The following AXL variants were observed in gnomAD, a reference collection of about 807,000 sequenced individuals.
AXL encodes the protein tyrosine-protein kinase receptor UFO.
AXL carries 52 observed loss-of-function variants against 104.5 expected under a neutral mutation model. The ratio of observed to expected loss-of-function variants is 0.50; its 90% CI spans 0.40 to 0.63. The LOEUF (loss-of-function observed/expected upper bound fraction) is 0.63, where lower values mean the gene tolerates loss of function less well. Among genes scored for constraint, AXL ranks in the 20% least tolerant of loss-of-function variants. The pLI, the probability that AXL is intolerant of heterozygous loss-of-function variation, is 0.00. For missense variants in AXL, 1,024 were observed against 1,188.5 expected (o/e 0.86, Z 2.04); for synonymous variants, 455 against 473.7 (o/e 0.96, Z 0.51).
chr19:41,237,302 G>C (rs1202452224), intron 6 of AXL, among the ~76,000 whole-genome samples: 1 of 152,174 alleles, frequency 6.6e-6, no homozygotes, highest in Non-Finnish European at 1.5e-5. Flanking sequence ...GAGTGCAGTG[G>C]TGTGATCTTA....
At chr19:41,222,420 G>A (rs1387529586) in intron 4 of AXL, among the ~76,000 whole-genome samples, 2 of 152,016 alleles carry the variant, frequency 1.3e-5, no homozygotes, top group African/African-American at 2.4e-5. Context: ...AGTGCGTGTG[G>A]GCCTGGTGCC....
chr19:41,229,346 C>T (rs554859339), intron 4 of AXL, among the ~76,000 whole-genome samples: 2 of 152,212 alleles, frequency 1.3e-5, no homozygotes, highest in East Asian at 3.9e-4. Context: ...TCACTGCAGC[C>T]TCCACCTCCC....
In AXL at chr19:41,252,522, G is replaced by A. The variant is rs2034382856; in HGVS notation, c.1804+79G>A. The A allele has an allele frequency of 2.6e-6, 4 of 1,512,350 alleles. No homozygotes were observed. In the African/African-American group the frequency reaches 4.1e-5, roughly 16 times the overall value. The allele number at this position is 1,512,350 out of a possible 1,614,324, so 93.7% of individuals were successfully genotyped here. On this transcript the variant is annotated intron_variant, in intron 15 of 19. Coordinates refer to ENST00000301178, the MANE Select transcript of AXL (RefSeq NM_021913.5). ...AGGGAAGAGCCCTGCTTCTGGCCCT[G>A]GGAAGATCAAACTTCCAGGCTTCCT...
chr19:41,227,225 A>C (rs1259917903), intron 4 of AXL, among the ~76,000 whole-genome samples: 2 of 152,060 alleles, frequency 1.3e-5, no homozygotes, highest in Non-Finnish European at 2.9e-5. Context: ...ATTCACCAGG[A>C]TACGTTCTCT....
At chr19:41,257,309 G>C (rs897195195) in intron 18 of AXL, among the ~76,000 whole-genome samples, 184 bp from the exon 19 acceptor site, 2 of 152,182 alleles carry the variant, frequency 1.3e-5, no homozygotes, top group Non-Finnish European at 2.9e-5. Flanking sequence ...CTCCCAAAGT[G>C]CTGGGATTAC....
intron 11 of AXL, 116 bp from the exon 12 acceptor site, chr19:41,243,500 G>T (rs995242906): frequency 3.1e-5 from 26 of 828,210 alleles, no homozygotes; most frequent in Non-Finnish European, 5.1e-5. Flanking sequence ...CTCAGCAAAT[G>T]TTAGCACAGA....
chr19:41,221,000 T>C, intron 2 of AXL, 142 bp downstream of exon 2: 1 of 1,201,582 alleles, frequency 8.3e-7, no homozygotes, highest in Non-Finnish European at 1.2e-6. Context: ...TTCGTTTTCC[T>C]CTTCTGCAAA....
chr19:41,223,038 T>C (rs1343292031), intron 4 of AXL, among the ~76,000 whole-genome samples: 1 of 152,026 alleles, frequency 6.6e-6, no homozygotes, highest in Non-Finnish European at 1.5e-5. Flanking sequence ...CTCACGCCTG[T>C]AATCCCAGCA....
intron 4 of AXL, among the ~76,000 whole-genome samples, chr19:41,222,645 G>A (rs1400743705): frequency 2.0e-5 from 3 of 152,194 alleles, no homozygotes; most frequent in Admixed American, 1.3e-4. Context: ...GGTGGCTCAC[G>A]CCTGTAATCC....
At position 41,231,202 on chromosome 19, in the gene AXL, T is replaced by G. The variant is rs779312028; in HGVS notation, c.687T>G (p.Arg229=). 7.4e-6 allele frequency: 12 copies of G among 1,613,526 alleles called. No homozygotes were observed. The highest frequency in any genetic ancestry group is 1.0e-5 in the Non-Finnish European group (12 of 1,179,708). ...ATITVLPQQP[R]NLHLVSRQPT... ...CCACAGTGCTCCCCCAGCAGCCCCG[T>G]AACCTCCACCTGGTCTCCCGCCAAC... is the stretch of plus-strand genomic sequence containing the variant. The change falls in exon 6 of 20, where the codon CGT becomes CGG. Residue 229 remains arginine, a synonymous_variant. Transcript: ENST00000301178.
At chr19:41,242,539 G>C (rs1195159596) in intron 10 of AXL, among the ~76,000 whole-genome samples, 1 of 151,746 alleles carries the variant, frequency 6.6e-6, no homozygotes, top group Non-Finnish European at 1.5e-5. Context: ...CATGTCGGCC[G>C]GGCTGGTCTT....
rs555719693 is a variant in AXL, at chr19:41,259,619, G to A, written c.2400G>A (p.Arg800=). 30 of 1,613,964 alleles carry A rather than the reference G, an allele frequency of 1.9e-5. No homozygotes were observed. The East Asian group carries it at 6.5e-4, about 35-fold the overall frequency. The change falls in exon 20 of 20, where the codon CGG becomes CGA. Residue 800 remains arginine, a synonymous_variant. Coordinates refer to ENST00000301178, the MANE Select transcript of AXL (RefSeq NM_021913.5). ...PQDRPSFTEL[R]EDLENTLKAL... is the part of the protein sequence containing the mutation. ...ACCGGCCAAGTTTTACAGAGCTGCG[G>A]GAAGATTTGGAGAACACACTGAAGG... is the stretch of plus-strand genomic sequence containing the variant.
chr19:41,257,751 A>AC, intron 19 of AXL, 122 bp downstream of exon 19: 1 of 1,308,804 alleles, frequency 7.6e-7, no homozygotes, highest in Non-Finnish European at 1.1e-6. Context: ...ATGCTGAGTG[A>AC]CCCACTTGCC....
rs141766433 is a variant in AXL, at chr19:41,251,519, G to A, written c.1712-832G>A. Reference sequence around the variant, plus strand: ...AGAGGTTGCAGTGAGCCAAGATTGCGCCATTGCACTCAAGCCTGGGGGACA... The same window carrying A: ...AGAGGTTGCAGTGAGCCAAGATTGCACCATTGCACTCAAGCCTGGGGGACA... On this transcript the variant is annotated intron_variant, in intron 14 of 19. Transcript: ENST00000301178. Among the ~76,000 whole-genome samples the A allele has an allele frequency of 2.7e-3, 410 of 150,334 alleles. 7 individuals are homozygous for A. In the East Asian group the frequency reaches 0.069, roughly 25 times the overall value.
At chr19:41,239,086 G>A (rs2034134120) in intron 8 of AXL, 78 bp from the exon 9 acceptor site, 13 of 1,531,182 alleles carry the variant, frequency 8.5e-6, no homozygotes, top group South Asian at 1.2e-5. Flanking sequence ...AGAAAGAGAT[G>A]GGGCATTGAG....
chr19:41,220,956 G>T, intron 2 of AXL, 98 bp downstream of exon 2: 2 of 1,413,338 alleles, frequency 1.4e-6, no homozygotes, highest in African/African-American at 1.4e-5. Flanking sequence ...CTTGTCAGCC[G>T]TGCGGCTTTG....
intron 11 of AXL, 96 bp downstream of exon 11, chr19:41,243,111 C>T (rs1389272202): frequency 3.0e-5 from 46 of 1,555,960 alleles, no homozygotes; most frequent in Middle Eastern, 3.6e-4. Flanking sequence ...GGAGTGATGA[C>T]TAAGAATCAG....
At chr19:41,253,403 A>G (rs980842073) in intron 16 of AXL, among the ~76,000 whole-genome samples, 196 bp from the exon 17 acceptor site, 3 of 152,170 alleles carry the variant, frequency 2.0e-5, no homozygotes, top group African/African-American at 7.2e-5. Context: ...GGGCAAGAAC[A>G]TAGGCAATCA....
In AXL at chr19:41,256,245, G is replaced by A. The variant is rs151130617; in HGVS notation, c.2037-207G>A. Among the ~76,000 whole-genome samples the A allele has an allele frequency of 1.7e-3, 261 of 152,298 alleles. 1 individual carries two copies. Among genetic ancestry groups the A allele is most frequent in the African/African-American group, 6.0e-3 (251 of 41,548 alleles). On this transcript the variant is annotated intron_variant, in intron 17 of 19. Coordinates refer to ENST00000301178, the MANE Select transcript of AXL (RefSeq NM_021913.5). ...AGAGCCAAAATTGGGAAGTCCTGAG[G>A]AAGCCCTTTGTCCCATCCTCACTTG...
Sources: gnomAD v4.1 joint callset for allele counts (sites outside exome capture counted in the v4.1 genomes callset) on GRCh38, gnomAD v4.1.1 for gene constraint, MANE v1.5 for transcripts, NCBI Gene and HGNC (gene_info 2026-07-23, HGNC 2026-07-21) for gene names.